XXYLT1: variants seen among roughly 807,000 people sequenced by gnomAD.
The protein encoded by XXYLT1 is xyloside xylosyltransferase 1.
In XXYLT1, 20 loss-of-function variants were observed where a neutral mutation model predicts 28.9. That is an observed-to-expected ratio of 0.69 (90% CI 0.49 to 1.00). The LOEUF (loss-of-function observed/expected upper bound fraction) is 1.00, where lower values mean the gene tolerates loss of function less well. Among genes scored for constraint, XXYLT1 ranks in the 50% least tolerant of loss-of-function variants. The pLI, the probability that XXYLT1 is intolerant of heterozygous loss-of-function variation, is 0.00. For synonymous variants in XXYLT1, 257 were observed against 253.8 expected (o/e 1.01, Z -0.12); for missense variants, 542 against 560.1 (o/e 0.97, Z 0.33).
chr3:195,185,746 C>A (rs1052945414), intron 2 of XXYLT1, among the ~76,000 whole-genome samples: 13 of 144,190 alleles, frequency 9.0e-5, no homozygotes, highest in African/African-American at 3.8e-4. Flanking sequence ...TTCTTCCTTC[C>A]GGTCCTTCCT....
intron 3 of XXYLT1, chr3:195,095,287 T>C (rs930996040): frequency 6.5e-6 from 1 of 153,762 alleles, no homozygotes; most frequent in African/African-American, 2.4e-5. Context: ...TGCTCCAGTC[T>C]TCTCCCTGTG....
chr3:195,077,649 A>G lies in XXYLT1; in HGVS notation c.786-7538T>C, dbSNP rs1309329016. 6.6e-6 allele frequency among the ~76,000 whole-genome samples: 1 copy of G among 152,112 alleles called. No homozygotes were observed. On this transcript the variant is annotated intron_variant, in intron 3 of 3. Coordinates refer to ENST00000310380, the MANE Select transcript of XXYLT1 (RefSeq NM_152531.5). This position sits in a 1 kb window ranked among gnomAD's most constrained non-coding sequence, Gnocchi z 4.8. The stretch of plus-strand genomic sequence containing the variant: ...CCTGTAAAGCGCGGCCTGGGGCTGG[A>G]CGTCGTAGGGGGTGAATGGCCCTGA...
intron 2 of XXYLT1, among the ~76,000 whole-genome samples, chr3:195,193,193 C>G (rs1176831575): frequency 6.6e-6 from 1 of 150,636 alleles, no homozygotes; most frequent in Non-Finnish European, 1.5e-5. Flanking sequence ...GAGGCTGAGG[C>G]AAGAGAATCG....
chr3:195,215,641 A>G (rs576312739), intron 2 of XXYLT1, among the ~76,000 whole-genome samples: 35 of 148,158 alleles, frequency 2.4e-4, no homozygotes, highest in Admixed American at 1.6e-3. Context: ...ATATATATGC[A>G]CCCAATACAG....
Position 195,226,713 on chromosome 3 carries a change from G to A in XXYLT1, c.648C>T (p.Pro216=), listed in dbSNP as rs1259282944. Residue 216 remains proline (P), a synonymous_variant, in exon 2 of 4, where the codon CCC becomes CCT. Coordinates refer to ENST00000310380, the MANE Select transcript of XXYLT1 (RefSeq NM_152531.5). ...FLSVAMHQIM[P]KEILQIIQLD... is the part of the protein sequence containing the mutation. Reference sequence around the variant, plus strand: ...GCTCCTGGAAGCCCAGGTTACCTTTGGGCATGATCTGATGCATGGCGACCG... The same window carrying A: ...GCTCCTGGAAGCCCAGGTTACCTTTAGGCATGATCTGATGCATGGCGACCG... The A allele has an allele frequency of 1.2e-6, 2 of 1,611,962 alleles. No homozygotes were observed. Among genetic ancestry groups the A allele is most frequent in the Admixed American group, 1.7e-5 (1 of 59,176 alleles).
At chr3:195,248,005 G>C in intron 1 of XXYLT1, 1 of 535,992 alleles carries the variant, frequency 1.9e-6, no homozygotes, top group South Asian at 2.3e-5. Flanking sequence ...ATTACAATTT[G>C]AGGTGAGATT....
intron 3 of XXYLT1, among the ~76,000 whole-genome samples, chr3:195,092,371 G>A (rs1217347926): frequency 1.3e-5 from 2 of 148,890 alleles, no homozygotes; most frequent in South Asian, 2.2e-4. Context: ...CAGAAATAAC[G>A]CCGCATGTCT....
intron 2 of XXYLT1, among the ~76,000 whole-genome samples, chr3:195,199,940 A>C (rs931051111): frequency 2.6e-5 from 4 of 152,218 alleles, no homozygotes; most frequent in Non-Finnish European, 5.9e-5. Context: ...ATTCCATGTC[A>C]AGTTAAGTTG....
intron 3 of XXYLT1, among the ~76,000 whole-genome samples, chr3:195,144,893 GA>G (rs1357102442): frequency 2.0e-5 from 3 of 152,204 alleles, no homozygotes; most frequent in Admixed American, 6.5e-5. Context: ...ATCTTGGCAG[GA>G]AGGTACCGGC....
chr3:195,200,841 CG>C (rs1459911240), intron 2 of XXYLT1, among the ~76,000 whole-genome samples: 8 of 152,142 alleles, frequency 5.3e-5, no homozygotes, highest in African/African-American at 1.7e-4. Flanking sequence ...CAGGAGCTCA[CG>C]GGTCCGCTGG....
At chr3:195,153,354 C>T (rs146462999) in intron 3 of XXYLT1, among the ~76,000 whole-genome samples, 2 of 152,326 alleles carry the variant, frequency 1.3e-5, no homozygotes, top group East Asian at 3.9e-4. Context: ...CGTTACAAGG[C>T]AATTCCCCAG....
At chr3:195,096,043 C>T (rs551798899) in intron 3 of XXYLT1, 1 of 152,242 alleles carries the variant, frequency 6.6e-6, no homozygotes, top group African/African-American at 2.4e-5. Flanking sequence ...TAAGCAAAGG[C>T]AAGAGGAGAA....
intron 3 of XXYLT1, among the ~76,000 whole-genome samples, chr3:195,118,615 G>A (rs1718172653): frequency 6.6e-6 from 1 of 152,238 alleles, no homozygotes; most frequent in Non-Finnish European, 1.5e-5. Context: ...GGGGGAGAAT[G>A]CAGCCTTCAC....
Position 195,179,336 on chromosome 3 carries a change from G to A in XXYLT1, c.653-22755C>T, listed in dbSNP as rs574230659. On this transcript the variant is annotated intron_variant, in intron 2 of 3. Coordinates refer to ENST00000310380, the MANE Select transcript of XXYLT1 (RefSeq NM_152531.5). ...GCCTGGGCGACAAGAGTGAGACACC[G>A]TCTCAAAAAAAAAAAGAAAAAAAAA... Among the ~76,000 whole-genome samples the A allele has an allele frequency of 1.1e-4, 16 of 141,136 alleles. No individual in the cohort carries two copies. In the East Asian group the frequency reaches 2.3e-3, roughly 20 times the overall value. 92.6% of individuals were successfully genotyped at this position (141,136 alleles called of 152,430 possible).
At position 195,164,994 on chromosome 3, in the gene XXYLT1, A is replaced by G. The variant is rs530048742; in HGVS notation, c.653-8413T>C. Reference sequence around the variant, plus strand: ...GGGAGAGTCTGTATTTCCAGTGAAAATTGGAGCCTGGACTCTCAGCACAGG... The same window carrying G: ...GGGAGAGTCTGTATTTCCAGTGAAAGTTGGAGCCTGGACTCTCAGCACAGG... On this transcript the variant is annotated intron_variant, in intron 2 of 3. Transcript: ENST00000310380. Among the ~76,000 whole-genome samples, 17 of 152,146 alleles carry G rather than the reference A, an allele frequency of 1.1e-4. No individual in the cohort carries two copies. In the South Asian group the frequency reaches 3.5e-3, roughly 32 times the overall value.
Position 195,221,734 on chromosome 3 carries a change from G to A in XXYLT1, c.652+4975C>T, listed in dbSNP as rs1045703497. On this transcript the variant is annotated intron_variant, in intron 2 of 3. Transcript: ENST00000310380. ...CCTTGGCTCCCTCCAGCTCCAGTGC[G>A]GCAAAAAATGTTTTTTTTTTTCCAT... Among the ~76,000 whole-genome samples the A allele has an allele frequency of 1.2e-4, 18 of 147,916 alleles. 1 individual carries two copies. The highest frequency in any genetic ancestry group is 5.9e-4 in the Admixed American group (9 of 15,136).
chr3:195,207,186 C>T (rs749265005), intron 2 of XXYLT1, among the ~76,000 whole-genome samples: 3 of 152,176 alleles, frequency 2.0e-5, no homozygotes, highest in African/African-American at 4.8e-5. Context: ...CCTGGGGCAT[C>T]GGGCCTGCAG....
rs1309185704 is a variant in XXYLT1 at position 195,089,111 on chromosome 3, T to C, written c.786-19000A>G. On this transcript the variant is annotated intron_variant, in intron 3 of 3. Coordinates refer to ENST00000310380, the MANE Select transcript of XXYLT1 (RefSeq NM_152531.5). ...AGTTGGAAAACACTCTGCAGGATAT[T>C]ATCCAGGAGAACTTCCCCAATCTAG... is the stretch of plus-strand genomic sequence containing the variant. 3.3e-5 allele frequency among the ~76,000 whole-genome samples: 5 copies of C among 150,408 alleles called. No individual in the cohort carries two copies. In the East Asian group the frequency reaches 9.9e-4, roughly 30 times the overall value.
At chr3:195,251,589 C>T (rs1032817128) in intron 1 of XXYLT1, among the ~76,000 whole-genome samples, 5 of 152,212 alleles carry the variant, frequency 3.3e-5, no homozygotes, top group African/African-American at 7.2e-5. Context: ...AGACTCTGAA[C>T]GCTCTCGGAA....
Sources: gnomAD v4.1 joint callset for allele counts (sites outside exome capture counted in the v4.1 genomes callset) on GRCh38, gnomAD v4.1.1 for gene constraint, Gnocchi (gnomAD v3.1) non-coding constraint, MANE v1.5 for transcripts, NCBI Gene and HGNC (gene_info 2026-07-23, HGNC 2026-07-21) for gene names.